Variants in NXNL2 observed in about 807,000 individuals in gnomAD.
NXNL2 encodes nucleoredoxin like 2.
In NXNL2, 7 loss-of-function variants were observed where a neutral mutation model predicts 11.1. That is an observed-to-expected ratio of 0.63 (90% CI 0.36 to 1.18). NXNL2 has a LOEUF of 1.18. NXNL2 is among the 50% of genes most tolerant of loss of function. The pLI, the probability that NXNL2 is intolerant of heterozygous loss-of-function variation, is 0.02. For missense variants in NXNL2, 233 were observed against 217.7 expected (o/e 1.07, Z -0.44); for synonymous variants, 109 against 101.8 (o/e 1.07, Z -0.42).
At chr9:88,539,976 C>T (rs1319577951) in intron 1 of NXNL2, among the ~76,000 whole-genome samples, 1 of 152,066 alleles carries the variant, frequency 6.6e-6, no homozygotes, top group Non-Finnish European at 1.5e-5. Context: ...AGCCACCGCA[C>T]CTGGCCACAC....
At chr9:88,555,339 CG>C (rs1419857777) in intron 1 of NXNL2, among the ~76,000 whole-genome samples, 2 of 152,170 alleles carry the variant, frequency 1.3e-5, no homozygotes, top group Non-Finnish European at 2.9e-5. Context: ...CCTCAAAACC[CG>C]GGGTTCCTCC....
chr9:88,552,814 C>T (rs764114216), intron 1 of NXNL2, among the ~76,000 whole-genome samples: 2 of 152,148 alleles, frequency 1.3e-5, no homozygotes, highest in Non-Finnish European at 2.9e-5. Context: ...GTTGTAATGA[C>T]AAGTTCAAAG....
At chr9:88,560,956 A>G (rs1830078450) in intron 1 of NXNL2, among the ~76,000 whole-genome samples, 1 of 152,216 alleles carries the variant, frequency 6.6e-6, no homozygotes, top group Admixed American at 6.5e-5. Context: ...ATAGGTGTGC[A>G]ACATTATCTT....
At position 88,544,913 on chromosome 9, in the gene NXNL2, T is replaced by C. The variant is rs1488149304; in HGVS notation, c.*366T>C. 134 of 986,606 alleles carry C rather than the reference T, an allele frequency of 1.4e-4. No individual in the cohort carries two copies. The highest frequency in any genetic ancestry group is 1.5e-4 in the Non-Finnish European group (123 of 828,342). 61.1% of individuals were successfully genotyped at this position (986,606 alleles called of 1,614,324 possible). On this transcript the variant is annotated 3_prime_UTR_variant, in exon 2 of 2. Transcript: ENST00000375854. ...ATTGATAACATTTTCTGGCGATCTG[T>C]TTATTTTAATGGTATGCTTTCACAA...
At chr9:88,537,955 G>A (rs909562539) in intron 1 of NXNL2, among the ~76,000 whole-genome samples, 4 of 152,356 alleles carry the variant, frequency 2.6e-5, no homozygotes, top group African/African-American at 9.6e-5. Flanking sequence ...TGTGTTAGTT[G>A]AAGGCAGGGA....
downstream of NXNL2, chr9:88,544,981 G>A (rs1829828292): frequency 1.3e-6 from 1 of 757,634 alleles, no homozygotes; most frequent in South Asian, 6.0e-5. Context: ...TAATAAACAA[G>A]TCTATTGCCT....
chr9:88,552,354 T>C (rs1188047365), intron 1 of NXNL2, among the ~76,000 whole-genome samples: 1 of 152,212 alleles, frequency 6.6e-6, no homozygotes, highest in African/African-American at 2.4e-5. Context: ...TGCCTGATTG[T>C]TGAGAAAAGT....
At position 88,535,625 on chromosome 9, in the gene NXNL2, C is replaced by G. The variant is rs546840525; in HGVS notation, c.191C>G (p.Pro64Arg). The change falls in exon 1 of 2, where the codon CCC becomes CGC. Residue 64 changes from proline (P) to arginine (R), a missense_variant. Physicochemically the swap from Pro to Arg is moderately radical, Grantham distance 103. Transcript: ENST00000375854. ...GTGGCCGAGGCGCGGCGGCCCGCGC[C>G]CTTCGAAGTGGTCTTCGTGTCAGCC... ...ALVAEARRPA[P>R]FEVVFVSADG... is the part of the protein sequence containing the mutation. The G allele has an allele frequency of 1.7e-5, 27 of 1,609,102 alleles. No individual in the cohort carries two copies. In the South Asian group the frequency reaches 2.7e-4, roughly 16 times the overall value.
chr9:88,562,962 C>T (rs373696714), intron 1 of NXNL2, among the ~76,000 whole-genome samples: 6 of 151,656 alleles, frequency 4.0e-5, no homozygotes, highest in Non-Finnish European at 5.9e-5. Context: ...GTGGCACACA[C>T]CTGTAGTCCC....
At chr9:88,581,841 T>G (rs900617556) in intron 1 of NXNL2, among the ~76,000 whole-genome samples, 3 of 152,330 alleles carry the variant, frequency 2.0e-5, no homozygotes, top group Admixed American at 2.0e-4. Flanking sequence ...TTGCTGCACA[T>G]AAGTACTTGC....
chr9:88,567,717 A>G (rs1651322818), intron 1 of NXNL2, among the ~76,000 whole-genome samples: 1 of 152,184 alleles, frequency 6.6e-6, no homozygotes, highest in Admixed American at 6.5e-5. Context: ...ATAAAATAAG[A>G]CACTAATATG....
At chr9:88,582,074 C>T (rs1376113941) in intron 1 of NXNL2, among the ~76,000 whole-genome samples, 1 of 152,216 alleles carries the variant, frequency 6.6e-6, no homozygotes, top group Non-Finnish European at 1.5e-5. Context: ...CATTCCTCAC[C>T]TGGCTTCTGG....
At chr9:88,566,319 G>C (rs1162828315) in intron 1 of NXNL2, among the ~76,000 whole-genome samples, 9 of 151,412 alleles carry the variant, frequency 5.9e-5, no homozygotes, top group Admixed American at 5.9e-4. Flanking sequence ...TTTTGAGATG[G>C]AGTCTTGGTC....
chr9:88,555,576 C>T (rs1439835109), intron 1 of NXNL2, among the ~76,000 whole-genome samples: 4 of 152,214 alleles, frequency 2.6e-5, no homozygotes, highest in Admixed American at 6.5e-5. Flanking sequence ...TCTTGTGAAA[C>T]AAGTCCTTGC....
intron 1 of NXNL2, among the ~76,000 whole-genome samples, chr9:88,537,113 G>A (rs1266895248): frequency 1.3e-5 from 2 of 152,218 alleles, no homozygotes; most frequent in African/African-American, 4.8e-5. Flanking sequence ...TTTTATTGCT[G>A]AGCATATGAT....
At chr9:88,558,342 C>T (rs776540583) in intron 1 of NXNL2, among the ~76,000 whole-genome samples, 10 of 152,058 alleles carry the variant, frequency 6.6e-5, no homozygotes, top group African/African-American at 9.7e-5. Context: ...GTGGTGTTCC[C>T]GGAGAGGGCA....
At chr9:88,567,882 A>T (rs1392527509) in intron 1 of NXNL2, among the ~76,000 whole-genome samples, 1 of 152,150 alleles carries the variant, frequency 6.6e-6, no homozygotes, top group East Asian at 1.9e-4. Context: ...CAGGACCAAG[A>T]CCAGCCTGAG....
chr9:88,555,686 C>G (rs1302926328), intron 1 of NXNL2, among the ~76,000 whole-genome samples: 1 of 152,172 alleles, frequency 6.6e-6, no homozygotes, highest in East Asian at 1.9e-4. Context: ...TGCCGCTTTG[C>G]CAGCTGGAAA....
intron 1 of NXNL2, among the ~76,000 whole-genome samples, chr9:88,564,311 ATCTATCTATCTATCG>A (rs1362686849): frequency 6.8e-6 from 1 of 147,210 alleles, no homozygotes; most frequent in African/African-American, 2.6e-5. Flanking sequence ...CTATCTATCT[ATCTATCTATCTATCG>A]TCTATTTATA....
Sources: allele counts gnomAD v4.1 joint callset (sites outside exome capture counted in the v4.1 genomes callset), GRCh38; gene constraint gnomAD v4.1.1; transcripts MANE v1.5; gene names NCBI Gene and HGNC (gene_info 2026-07-23, HGNC 2026-07-21).